DMRT1: variants seen among roughly 807,000 people sequenced by gnomAD.
DMRT1 encodes doublesex- and mab-3-related transcription factor 1.
In DMRT1, 7 loss-of-function variants were observed where a neutral mutation model predicts 32.3. The observed-to-expected ratio is 0.22, with a 90% confidence interval of 0.12 to 0.41. The LOEUF (loss-of-function observed/expected upper bound fraction) is 0.41, where lower values mean the gene tolerates loss of function less well. Among genes scored for constraint, DMRT1 ranks in the 10% least tolerant of loss-of-function variants. The probability of loss-of-function intolerance (pLI) is 1.00; values close to 1 mark genes in which losing one functional copy is unlikely to be tolerated. For missense variants in DMRT1, 625 were observed against 500.5 expected, an observed-to-expected ratio of 1.25 and a Z score of -2.37; for synonymous variants, 278 against 206.1, an observed-to-expected ratio of 1.35 and a Z score of -2.99.
chr9:929,215 C>T (rs1007250254), intron 4 of DMRT1, among the ~76,000 whole-genome samples: 1 of 152,132 alleles, frequency 6.6e-6, no homozygotes, highest in Middle Eastern at 3.2e-3. Context: ...CTGAAACACC[C>T]TGGGATAGAA....
intron 4 of DMRT1, among the ~76,000 whole-genome samples, chr9:944,020 C>G (rs1286899672): frequency 6.6e-6 from 1 of 152,164 alleles, no homozygotes; most frequent in East Asian, 1.9e-4. Flanking sequence ...TGGGTCATCA[C>G]TTAGTAACCA....
At chr9:943,083 AT>A (rs1819130215) in intron 4 of DMRT1, among the ~76,000 whole-genome samples, 1 of 151,768 alleles carries the variant, frequency 6.6e-6, no homozygotes, top group African/African-American at 2.4e-5. Context: ...GACAATAAGG[AT>A]TTGCGTTTTG....
At chr9:964,465 T>C (rs1465688002) in intron 4 of DMRT1, among the ~76,000 whole-genome samples, 7 of 152,176 alleles carry the variant, frequency 4.6e-5, no homozygotes, top group African/African-American at 1.7e-4. Context: ...CCACCTTTCA[T>C]TGTAACACAA....
chr9:864,916 G>C (rs1449252994), intron 2 of DMRT1, among the ~76,000 whole-genome samples: 1 of 152,164 alleles, frequency 6.6e-6, no homozygotes, highest in Admixed American at 6.5e-5. Flanking sequence ...AAGTTTTACA[G>C]TTCCATTCAT....
Position 968,180 on chromosome 9 carries a change from GCTTATT to G in DMRT1, c.*43_*48del, listed in dbSNP as rs780199480. 1 of 1,609,476 alleles carries G rather than the reference GCTTATT, an allele frequency of 6.2e-7. No homozygotes were observed. The highest frequency in any genetic ancestry group is 8.5e-7 in the Non-Finnish European group (1 of 1,177,304). ...GATGGCGGTTCACTTGGAGTAACAGGCTTATTCCACTTTCCATGGGGTTTGTTAATA... is the reference window on the plus strand; with the variant it reads ...GATGGCGGTTCACTTGGAGTAACAGGCCACTTTCCATGGGGTTTGTTAATA... On this transcript the variant is annotated 3_prime_UTR_variant, in exon 5 of 5. Coordinates refer to ENST00000382276, the MANE Select transcript of DMRT1 (RefSeq NM_021951.3).
intron 2 of DMRT1, among the ~76,000 whole-genome samples, chr9:872,761 A>G (rs1816328838): frequency 6.6e-6 from 1 of 152,164 alleles, no homozygotes; most frequent in Non-Finnish European, 1.5e-5. Flanking sequence ...TTTTGTGTAA[A>G]TATATGTATT....
chr9:910,933 A>G (rs897502754), intron 3 of DMRT1, among the ~76,000 whole-genome samples: 4 of 152,208 alleles, frequency 2.6e-5, no homozygotes, highest in African/African-American at 9.7e-5. Context: ...GAGAGGAAAC[A>G]AGGAGGCATT....
chr9:925,848 TG>T (rs1159912673), intron 4 of DMRT1, among the ~76,000 whole-genome samples: 1 of 152,208 alleles, frequency 6.6e-6, no homozygotes, highest in Non-Finnish European at 1.5e-5. Context: ...TGTTCCAGTG[TG>T]GCACGTGGAG....
chr9:944,004 C>T (rs971388467), intron 4 of DMRT1, among the ~76,000 whole-genome samples: 2 of 152,184 alleles, frequency 1.3e-5, no homozygotes, highest in Non-Finnish European at 2.9e-5. Context: ...TGGGGTCTCT[C>T]AGACCTGGGT....
At chr9:896,048 C>T (rs1817348187) in intron 3 of DMRT1, among the ~76,000 whole-genome samples, 1 of 151,908 alleles carries the variant, frequency 6.6e-6, no homozygotes, top group Admixed American at 6.6e-5. Context: ...TGTGATTGGC[C>T]CACCTCAGCC....
Position 875,953 on chromosome 9 carries a change from T to G in DMRT1, c.539-17959T>G, listed in dbSNP as rs540483337. The stretch of plus-strand genomic sequence containing the variant: ...TCTGGCCAAAAAGAGGTGCCACATG[T>G]GATTGGCAGAGCTGTGTCACCTGCC... On this transcript the variant is annotated intron_variant, in intron 2 of 4. Transcript: ENST00000382276. Among the ~76,000 whole-genome samples the G allele has an allele frequency of 2.0e-4, 31 of 152,182 alleles. No individual in the cohort carries two copies. In the South Asian group the frequency reaches 6.2e-3, roughly 31 times the overall value.
chr9:876,731 A>G (rs895204248), intron 2 of DMRT1, among the ~76,000 whole-genome samples: 1 of 152,062 alleles, frequency 6.6e-6, no homozygotes, highest in African/African-American at 2.4e-5. Flanking sequence ...GGGTCTCGCC[A>G]TGTTGCTCAG....
intron 3 of DMRT1, among the ~76,000 whole-genome samples, chr9:903,597 G>A (rs926270645): frequency 1.3e-5 from 2 of 152,216 alleles, no homozygotes; most frequent in African/African-American, 4.8e-5. Flanking sequence ...AGCTCAGGGA[G>A]GGTGATGGTG....
chr9:861,711 GCGGC>G (rs1815691499), intron 2 of DMRT1, among the ~76,000 whole-genome samples: 2 of 151,714 alleles, frequency 1.3e-5, no homozygotes, highest in African/African-American at 4.8e-5. Context: ...CCCAGACGGG[GCGGC>G]TGGCCGGGCA....
intron 2 of DMRT1, among the ~76,000 whole-genome samples, chr9:847,356 G>T (rs113055099): frequency 6.6e-6 from 1 of 152,200 alleles, no homozygotes; most frequent in Non-Finnish European, 1.5e-5. Flanking sequence ...TTTCCTGTTG[G>T]TTATTAGTCA....
intron 4 of DMRT1, among the ~76,000 whole-genome samples, chr9:928,224 A>G (rs979601551): frequency 6.6e-6 from 1 of 152,220 alleles, no homozygotes; most frequent in Non-Finnish European, 1.5e-5. Context: ...AGCTCCATAA[A>G]AAAATAATAT....
intron 3 of DMRT1, among the ~76,000 whole-genome samples, chr9:909,497 A>C (rs903290391): frequency 6.6e-6 from 1 of 152,122 alleles, no homozygotes; most frequent in Non-Finnish European, 1.5e-5. Flanking sequence ...TGGTTCGAAA[A>C]GAAGCATCTA....
At chr9:904,820 T>C (rs1817709150) in intron 3 of DMRT1, among the ~76,000 whole-genome samples, 1 of 151,954 alleles carries the variant, frequency 6.6e-6, no homozygotes, top group South Asian at 2.1e-4. Context: ...GGCAGGTGCC[T>C]ATAATCCCAG....
intron 4 of DMRT1, among the ~76,000 whole-genome samples, chr9:919,873 T>C (rs1259643037): frequency 6.6e-6 from 1 of 152,208 alleles, no homozygotes; most frequent in African/African-American, 2.4e-5. Context: ...GATTTGCTGT[T>C]GGTCTTTGGA....
Sources: gnomAD v4.1 joint callset for allele counts (sites outside exome capture counted in the v4.1 genomes callset) on GRCh38, gnomAD v4.1.1 for gene constraint, MANE v1.5 for transcripts, NCBI Gene and HGNC (gene_info 2026-07-23, HGNC 2026-07-21) for gene names.